RNF182: variants seen among roughly 807,000 people sequenced by gnomAD.
RNF182 encodes E3 ubiquitin-protein ligase RNF182.
In RNF182, 15 loss-of-function variants were observed where a neutral mutation model predicts 14.4. The observed-to-expected ratio is 1.04, with a 90% CI of 0.70 to 1.60. RNF182 has a LOEUF of 1.60. Among genes scored for constraint, RNF182 ranks in the 40% most tolerant of loss-of-function variants. The pLI is 0.00. For missense variants in RNF182, 268 were observed against 294.8 expected, an observed-to-expected ratio of 0.91 and a Z score of 0.67; for synonymous variants, 128 against 122.9, an observed-to-expected ratio of 1.04 and a Z score of -0.27.
At chr6:13,931,640 C>A (rs1256314558) in intron 1 of RNF182, among the ~76,000 whole-genome samples, 1 of 142,788 alleles carries the variant, frequency 7.0e-6, no homozygotes, top group African/African-American at 2.8e-5. Context: ...ATCACTGTGA[C>A]CTTTTTTTCT....
At chr6:13,934,700 AGTTT>A (rs1307512107) in intron 1 of RNF182, among the ~76,000 whole-genome samples, 1 of 152,224 alleles carries the variant, frequency 6.6e-6, no homozygotes, top group South Asian at 2.1e-4. Flanking sequence ...CCTTTTTTCT[AGTTT>A]GTTCATTATT....
chr6:13,975,376 T>A (rs1426460940), intron 2 of RNF182, among the ~76,000 whole-genome samples: 1 of 152,158 alleles, frequency 6.6e-6, no homozygotes, highest in African/African-American at 2.4e-5. Flanking sequence ...GAAGAGTTGA[T>A]GTTTCTGTCT....
In RNF182 at chr6:13,969,978, A is replaced by G. The variant is rs547020002; in HGVS notation, c.-366-4232A>G. 1.8e-4 allele frequency among the ~76,000 whole-genome samples: 27 copies of G among 152,302 alleles called. No homozygotes were observed. In the Middle Eastern group the frequency reaches 0.01, roughly 58 times the overall value. ...CTTTAGCACTTGTTCTTATCAAGGC[A>G]TGCTACAGATATGTCCATCCTAGAG... On this transcript the variant is annotated intron_variant, in intron 1 of 2. Transcript: ENST00000488300.
At chr6:13,959,319 G>A (rs111555988) in intron 1 of RNF182, among the ~76,000 whole-genome samples, 2,044 of 152,342 alleles carry the variant, frequency 0.013, 13 homozygotes, top group Non-Finnish European at 0.021. Context: ...AAAACAATAA[G>A]TTCAAGACAG....
intron 1 of RNF182, among the ~76,000 whole-genome samples, chr6:13,945,796 G>C (rs1342865066): frequency 6.6e-6 from 1 of 152,084 alleles, no homozygotes; most frequent in Non-Finnish European, 1.5e-5. Context: ...CATTCATTCT[G>C]ATTACACCAG....
chr6:13,929,924 A>G (rs376429574), intron 1 of RNF182, among the ~76,000 whole-genome samples: 7 of 152,238 alleles, frequency 4.6e-5, no homozygotes, highest in African/African-American at 1.7e-4. Flanking sequence ...TCTTCATAGC[A>G]TATTGTGACA....
In RNF182 at chr6:13,978,132, C is replaced by A; in HGVS notation, c.*269C>A. The A allele has an allele frequency of 2.6e-6, 1 of 392,146 alleles. No individual in the cohort carries two copies. Among genetic ancestry groups the A allele is most frequent in the South Asian group, 4.0e-5 (1 of 24,938 alleles). The allele number at this position is 392,146 out of a possible 1,614,324, so 24.3% of individuals were successfully genotyped here. On this transcript the variant is annotated 3_prime_UTR_variant, in exon 3 of 3. Coordinates refer to ENST00000488300, the MANE Select transcript of RNF182 (RefSeq NM_152737.4). ...CCCAGAGAAAGGACAGGGTTTCTCT[C>A]AGCACTGCCAGACAGACGGCAGGGG...
chr6:13,962,217 C>G (rs1045891888), intron 1 of RNF182, among the ~76,000 whole-genome samples: 1 of 152,120 alleles, frequency 6.6e-6, no homozygotes, highest in Admixed American at 6.5e-5. Context: ...AAAAACTGGA[C>G]TTTCTTGGAG....
chr6:13,969,034 G>T lies in RNF182; in HGVS notation c.-366-5176G>T, dbSNP rs986295991. 2.6e-5 allele frequency among the ~76,000 whole-genome samples: 4 copies of T among 152,108 alleles called. No individual in the cohort carries two copies. In the East Asian group the frequency reaches 7.7e-4, roughly 29 times the overall value. On this transcript the variant is annotated intron_variant, in intron 1 of 2. Coordinates refer to ENST00000488300, the MANE Select transcript of RNF182 (RefSeq NM_152737.4). The stretch of plus-strand genomic sequence containing the variant: ...CATAAGCAAAAAAAGGAATTTATTG[G>T]CTCACAGAAACCTTCATACATTATT...
At chr6:13,927,498 G>A (rs380669) in intron 1 of RNF182, among the ~76,000 whole-genome samples, 51,163 of 152,072 alleles carry the variant, frequency 0.34, 10,734 homozygotes, top group Admixed American at 0.49. Flanking sequence ...TTTGGTATAA[G>A]CTGTAAAATA....
Position 13,977,097 on chromosome 6 carries a change from T to C in RNF182, c.-23T>C. 1.9e-6 allele frequency: 3 copies of C among 1,592,786 alleles called. No individual in the cohort carries two copies. The highest frequency in any genetic ancestry group is 2.6e-6 in the Non-Finnish European group (3 of 1,167,576). ...ATTCTTCAACAAGACCCACCTGGCA[T>C]AAGATTGCACACATAATTCAAGATG... On this transcript the variant is annotated 5_prime_UTR_variant, in exon 3 of 3. Coordinates refer to ENST00000488300, the MANE Select transcript of RNF182 (RefSeq NM_152737.4).
At chr6:13,925,566 T>C (rs1758803533) in intron 1 of RNF182, among the ~76,000 whole-genome samples, 1 of 152,170 alleles carries the variant, frequency 6.6e-6, no homozygotes, top group Non-Finnish European at 1.5e-5. Flanking sequence ...TTTTTTTCTT[T>C]GGAAGGTGCA....
At position 13,939,414 on chromosome 6, in the gene RNF182, T is replaced by C. The variant is rs192019438; in HGVS notation, c.-367+14391T>C. Among the ~76,000 whole-genome samples, 25 of 152,298 alleles carry C rather than the reference T, an allele frequency of 1.6e-4. 1 individual carries two copies. In the East Asian group the frequency reaches 4.6e-3, roughly 28 times the overall value. On this transcript the variant is annotated intron_variant, in intron 1 of 2. Transcript: ENST00000488300. ...TTTTGAAGTTCTCTCTGTAGTATTG[T>C]ACTTCTTTCATTAGATTTGTTCTTT...
At chr6:13,962,838 G>C (rs184975172) in intron 1 of RNF182, among the ~76,000 whole-genome samples, 1 of 152,192 alleles carries the variant, frequency 6.6e-6, no homozygotes, top group Non-Finnish European at 1.5e-5. Context: ...CAGGCTACAT[G>C]AAACTGTATA....
chr6:13,944,684 A>G (rs919379601), intron 1 of RNF182, among the ~76,000 whole-genome samples: 2 of 152,228 alleles, frequency 1.3e-5, no homozygotes, highest in African/African-American at 2.4e-5. Flanking sequence ...CAGGTGTGCT[A>G]TATCTGTTAT....
intron 1 of RNF182, among the ~76,000 whole-genome samples, chr6:13,932,773 A>G (rs945900671): frequency 3.9e-5 from 6 of 152,222 alleles, no homozygotes; most frequent in African/African-American, 1.4e-4. Context: ...AAACATGACA[A>G]TTGTGTACAG....
chr6:13,958,637 G>A (rs1759788480), intron 1 of RNF182, among the ~76,000 whole-genome samples: 2 of 152,144 alleles, frequency 1.3e-5, no homozygotes, highest in South Asian at 4.1e-4. Context: ...CAACATATTA[G>A]TGGTTCTTAT....
chr6:13,940,793 A>G (rs1477688976), intron 1 of RNF182, among the ~76,000 whole-genome samples: 1 of 152,104 alleles, frequency 6.6e-6, no homozygotes, highest in African/African-American at 2.4e-5. Flanking sequence ...TTTTCTGCTC[A>G]AAATATTTAA....
At chr6:13,972,227 C>G (rs934690136) in intron 1 of RNF182, among the ~76,000 whole-genome samples, 3 of 151,404 alleles carry the variant, frequency 2.0e-5, no homozygotes, top group Non-Finnish European at 4.4e-5. Context: ...ATGGTGTGTA[C>G]CCAGGAGGTG....
Sources: gnomAD v4.1 joint callset for allele counts (sites outside exome capture counted in the v4.1 genomes callset) on GRCh38, gnomAD v4.1.1 for gene constraint, MANE v1.5 for transcripts, NCBI Gene and HGNC (gene_info 2026-07-23, HGNC 2026-07-21) for gene names.